RAB3C: variants seen among roughly 807,000 people sequenced by gnomAD.
RAB3C encodes the protein RAB3C, member RAS oncogene family, also known as ras-related protein Rab-3C.
RAB3C carries 17 observed loss-of-function variants against 26.4 expected under a neutral mutation model. The observed-to-expected ratio is 0.64, with a 90% CI of 0.44 to 0.97. The LOEUF (loss-of-function observed/expected upper bound fraction) is 0.97, where lower values mean the gene tolerates loss of function less well. Ranked by LOEUF, RAB3C falls within the 50% of genes least tolerant of loss-of-function variation. The pLI, the probability that RAB3C is intolerant of heterozygous loss-of-function variation, is 0.00. For missense variants in RAB3C, 242 were observed against 281.9 expected, an observed-to-expected ratio of 0.86 and a Z score of 1.01; for synonymous variants, 91 against 95.9, an observed-to-expected ratio of 0.95 and a Z score of 0.30.
chr5:58,855,630 T>G lies in RAB3C; in HGVS notation c.*4279T>G, dbSNP rs1744241237. The stretch of plus-strand genomic sequence containing the variant: ...AGTTTGCCTGTAAAATGGTGAAGTC[T>G]TTCTGATATGCTGAACCTTTGAGCC... On this transcript the variant is annotated 3_prime_UTR_variant, in exon 5 of 5. Transcript: ENST00000282878. 1 of 152,250 alleles carries G rather than the reference T, an allele frequency of 6.6e-6. No individual in the cohort carries two copies. Among genetic ancestry groups the G allele is most frequent in the Non-Finnish European group, 1.5e-5 (1 of 68,050 alleles). 9.4% of individuals were successfully genotyped at this position (152,250 alleles called of 1,614,324 possible).
chr5:58,650,070 C>T (rs1561278523), intron 2 of RAB3C, among the ~76,000 whole-genome samples: 2 of 152,184 alleles, frequency 1.3e-5, no homozygotes, highest in Non-Finnish European at 2.9e-5. Context: ...GAATTTTCAA[C>T]ATCTGACCAT....
At chr5:58,594,298 G>T (rs62367846) in intron 1 of RAB3C, among the ~76,000 whole-genome samples, 1,958 of 152,310 alleles carry the variant, frequency 0.013, 115 homozygotes, top group Admixed American at 0.11. Flanking sequence ...ATTGGTGTTA[G>T]CTCTAATAGA....
chr5:58,681,740 A>G (rs1748348567), intron 2 of RAB3C, among the ~76,000 whole-genome samples: 1 of 152,228 alleles, frequency 6.6e-6, no homozygotes, highest in South Asian at 2.1e-4. Context: ...TAAATACTAG[A>G]CTAGAAAAGA....
At chr5:58,583,027 G>C (rs1400725628), upstream of RAB3C, 2 of 1,431,026 alleles carry the variant, frequency 1.4e-6, no homozygotes, top group South Asian at 1.5e-5. Flanking sequence ...AGGAGTGCAC[G>C]GGGCTCCTCG....
intron 1 of RAB3C, among the ~76,000 whole-genome samples, chr5:58,587,818 G>A (rs545986612): frequency 6.6e-6 from 1 of 152,204 alleles, no homozygotes; most frequent in South Asian, 2.1e-4. Flanking sequence ...GGATTTTCCT[G>A]TGTCTCCTCT....
At chr5:58,641,506 G>A (rs902967866) in intron 2 of RAB3C, among the ~76,000 whole-genome samples, 1 of 152,304 alleles carries the variant, frequency 6.6e-6, no homozygotes, top group East Asian at 1.9e-4. Context: ...CTAAGGATGG[G>A]ACATTTCTTC....
At chr5:58,701,715 C>CT (rs1223572738) in intron 2 of RAB3C, among the ~76,000 whole-genome samples, 1 of 152,150 alleles carries the variant, frequency 6.6e-6, no homozygotes, top group African/African-American at 2.4e-5. Context: ...CTCATGGCCC[C>CT]TTCCTCTACC....
intron 3 of RAB3C, among the ~76,000 whole-genome samples, chr5:58,759,380 G>C (rs913881309): frequency 6.6e-6 from 1 of 152,274 alleles, no homozygotes; most frequent in African/African-American, 2.4e-5. Flanking sequence ...TAGGTGCAAC[G>C]TCACAAGGAA....
chr5:58,758,137 G>C (rs292954), intron 3 of RAB3C, among the ~76,000 whole-genome samples: 18 of 151,772 alleles, frequency 1.2e-4, no homozygotes, highest in African/African-American at 4.3e-4. Context: ...GTAGAGATGG[G>C]GTTTCACTGT....
chr5:58,652,024 A>G (rs1234366534), intron 2 of RAB3C, among the ~76,000 whole-genome samples: 1 of 151,926 alleles, frequency 6.6e-6, no homozygotes, highest in African/African-American at 2.4e-5. Flanking sequence ...AATATTTTCC[A>G]TACTTGGTTG....
chr5:58,832,001 C>T lies in RAB3C; in HGVS notation c.496+6839C>T, dbSNP rs192883452. Among the ~76,000 whole-genome samples, 14 of 152,234 alleles carry T rather than the reference C, an allele frequency of 9.2e-5. No individual in the cohort carries two copies. The East Asian group carries it at 2.7e-3, about 29-fold the overall frequency. ...GTCCCAGGTTATTCCAATGTGTAGA[C>T]ATGATTGAGAACCACTGATTTACAG... On this transcript the variant is annotated intron_variant, in intron 4 of 4. Transcript: ENST00000282878.
intron 2 of RAB3C, among the ~76,000 whole-genome samples, chr5:58,706,947 C>T (rs1351994537): frequency 1.3e-5 from 2 of 152,194 alleles, no homozygotes; most frequent in Non-Finnish European, 2.9e-5. Flanking sequence ...CCTTTGCCTG[C>T]TTTTCTTTCC....
chr5:58,807,320 C>T (rs2222106), intron 3 of RAB3C, among the ~76,000 whole-genome samples: 73,839 of 151,970 alleles, frequency 0.49, 18,372 homozygotes, highest in Middle Eastern at 0.68. Context: ...GAGTTTTTCC[C>T]ATCATAATGT....
intron 1 of RAB3C, among the ~76,000 whole-genome samples, chr5:58,589,595 T>C (rs1746086028): frequency 6.6e-6 from 1 of 152,222 alleles, no homozygotes; most frequent in African/African-American, 2.4e-5. Flanking sequence ...TTCATTGATA[T>C]ACTAATATCT....
intron 3 of RAB3C, among the ~76,000 whole-genome samples, chr5:58,824,512 T>A (rs1166826931): frequency 1.3e-5 from 2 of 152,202 alleles, no homozygotes; most frequent in African/African-American, 4.8e-5. Context: ...ATTCTTTTTT[T>A]AAAAAATTAT....
intron 2 of RAB3C, among the ~76,000 whole-genome samples, chr5:58,695,816 A>G (rs536333935): frequency 6.6e-6 from 1 of 152,196 alleles, no homozygotes; most frequent in East Asian, 1.9e-4. Flanking sequence ...GCTTAAGGAG[A>G]TTTGGGCTGA....
At chr5:58,719,746 G>T (rs118103531) in intron 2 of RAB3C, among the ~76,000 whole-genome samples, 1 of 151,980 alleles carries the variant, frequency 6.6e-6, no homozygotes, top group East Asian at 1.9e-4. Flanking sequence ...TTTCTCCTCT[G>T]AGTGTTATAT....
chr5:58,597,096 A>G (rs373214864), intron 1 of RAB3C, among the ~76,000 whole-genome samples: 298 of 28,666 alleles, frequency 0.01, 2 homozygotes, highest in Non-Finnish European at 0.014. Flanking sequence ...AATACATAAT[A>G]TATATTATAT....
intron 3 of RAB3C, among the ~76,000 whole-genome samples, chr5:58,777,594 GTTTT>G (rs779951394): frequency 7.7e-6 from 1 of 130,102 alleles, no homozygotes; most frequent in African/African-American, 2.8e-5. Flanking sequence ...GAAAGACCAT[GTTTT>G]TTTTTTTTTT....
Sources: gnomAD v4.1 joint callset for allele counts (sites outside exome capture counted in the v4.1 genomes callset) on GRCh38, gnomAD v4.1.1 for gene constraint, MANE v1.5 for transcripts, NCBI Gene and HGNC (gene_info 2026-07-23, HGNC 2026-07-21) for gene names.